The following SMYD3 variants were observed in gnomAD, a reference collection of about 807,000 sequenced individuals.
SMYD3 encodes histone-lysine N-methyltransferase SMYD3.
Under a neutral mutation model 57.7 loss-of-function variants are expected in SMYD3, and 36 were observed. That is an observed-to-expected ratio of 0.62 (90% CI 0.48 to 0.82). The LOEUF (loss-of-function observed/expected upper bound fraction) is 0.82. Among genes scored for constraint, SMYD3 ranks in the 40% least tolerant of loss-of-function variants. The probability of loss-of-function intolerance (pLI) is 0.00; values close to 1 mark genes in which losing one functional copy is unlikely to be tolerated. For missense variants in SMYD3, 515 were observed against 538.8 expected, an observed-to-expected ratio of 0.96 and a Z score of 0.44; for synonymous variants, 211 against 195.0, an observed-to-expected ratio of 1.08 and a Z score of -0.68.
At chr1:245,774,079 T>G (rs1259814880) in intron 10 of SMYD3, among the ~76,000 whole-genome samples, 1 of 152,158 alleles carries the variant, frequency 6.6e-6, no homozygotes, top group African/African-American at 2.4e-5. Flanking sequence ...CGATGAAATA[T>G]TCTAAAAAGC....
At chr1:246,376,622 T>C (rs13376399) in intron 1 of SMYD3, among the ~76,000 whole-genome samples, 77,396 of 140,896 alleles carry the variant, frequency 0.55, 21,189 homozygotes, top group Middle Eastern at 0.74. Context: ...TAAACATAAA[T>C]AAACCAGTAT....
intron 10 of SMYD3, among the ~76,000 whole-genome samples, chr1:245,797,946 T>A (rs1041892539): frequency 2.0e-5 from 3 of 151,920 alleles, no homozygotes; most frequent in Admixed American, 1.3e-4. Flanking sequence ...TTTCACAATA[T>A]GGGTTTGAGG....
chr1:246,436,900 CTTTTTTTT>C (rs61263648), intron 1 of SMYD3, among the ~76,000 whole-genome samples: 1 of 128,422 alleles, frequency 7.8e-6, no homozygotes, highest in Non-Finnish European at 1.6e-5. Flanking sequence ...GAGTTTCTTT[CTTTTTTTT>C]TTTTTTTTTT....
chr1:245,757,137 C>A (rs557539255), intron 11 of SMYD3, among the ~76,000 whole-genome samples: 1 of 152,006 alleles, frequency 6.6e-6, no homozygotes, highest in Non-Finnish European at 1.5e-5. Context: ...ACAATAGCTT[C>A]CCATCCCCTC....
intron 10 of SMYD3, 116 bp downstream of exon 10, chr1:245,858,380 G>C: frequency 9.6e-7 from 1 of 1,040,890 alleles, no homozygotes; most frequent in Non-Finnish European, 1.4e-6. Context: ...CAATGGTTGA[G>C]AAGCAGCTGG....
chr1:246,357,009 C>A (rs1418406150), intron 1 of SMYD3, among the ~76,000 whole-genome samples: 2 of 152,186 alleles, frequency 1.3e-5, no homozygotes, highest in Non-Finnish European at 2.9e-5. Context: ...GAAGGAAAGA[C>A]TCTTAAGAGC....
chr1:245,855,160 C>T (rs1168816407), intron 10 of SMYD3, among the ~76,000 whole-genome samples: 4 of 152,174 alleles, frequency 2.6e-5, no homozygotes, highest in African/African-American at 9.7e-5. Context: ...ATGAACAGAA[C>T]GGGCGAATGT....
chr1:246,280,166 C>T (rs1780815), intron 5 of SMYD3, among the ~76,000 whole-genome samples: 56,354 of 152,024 alleles, frequency 0.37, 11,298 homozygotes, highest in East Asian at 0.79. Context: ...TCATTCCATG[C>T]TCAGTTTCTT....
At chr1:246,218,721 T>TA (rs2063206203) in intron 5 of SMYD3, among the ~76,000 whole-genome samples, 7 of 152,248 alleles carry the variant, frequency 4.6e-5, no homozygotes, top group Middle Eastern at 3.4e-3. Flanking sequence ...ATTTAAGGTA[T>TA]TTTGTGTGTG....
chr1:246,186,389 T>A (rs1007889143), intron 5 of SMYD3, among the ~76,000 whole-genome samples: 9 of 152,202 alleles, frequency 5.9e-5, no homozygotes, highest in African/African-American at 2.2e-4. Context: ...ACTGTCTATT[T>A]TCTGCAGCAC....
chr1:245,981,188 T>C (rs1299462438), intron 5 of SMYD3, among the ~76,000 whole-genome samples: 2 of 152,188 alleles, frequency 1.3e-5, no homozygotes, highest in Non-Finnish European at 2.9e-5. Context: ...AGAATAAACA[T>C]GAGGCCAAAT....
intron 1 of SMYD3, among the ~76,000 whole-genome samples, chr1:246,491,856 G>C (rs1458131566): frequency 6.6e-6 from 1 of 152,158 alleles, no homozygotes; most frequent in Non-Finnish European, 1.5e-5. Context: ...ATGGACCTCA[G>C]ACAAGGCCAC....
intron 8 of SMYD3, among the ~76,000 whole-genome samples, chr1:245,906,836 G>C (rs1370502839): frequency 6.6e-6 from 1 of 152,180 alleles, no homozygotes; most frequent in African/African-American, 2.4e-5. Context: ...CCAGTCATTT[G>C]TAACAACATG....
chr1:246,209,596 G>A (rs2063056159), intron 5 of SMYD3, among the ~76,000 whole-genome samples: 1 of 144,854 alleles, frequency 6.9e-6, no homozygotes, highest in African/African-American at 2.9e-5. Context: ...AAAAAAAAAA[G>A]GTAACTGGTT....
chr1:246,402,222 T>C (rs931333683), intron 1 of SMYD3, among the ~76,000 whole-genome samples: 1 of 151,806 alleles, frequency 6.6e-6, no homozygotes, highest in African/African-American at 2.4e-5. Flanking sequence ...TCAGCAAATA[T>C]CAAAATACAG....
chr1:246,448,159 T>C (rs1235642840), intron 1 of SMYD3, among the ~76,000 whole-genome samples: 1 of 152,236 alleles, frequency 6.6e-6, no homozygotes, highest in East Asian at 1.9e-4. Flanking sequence ...AGAGGCGGCA[T>C]TGAGCCAAGA....
intron 5 of SMYD3, among the ~76,000 whole-genome samples, chr1:246,113,364 T>A (rs1025032260): frequency 1.3e-5 from 2 of 152,158 alleles, no homozygotes; most frequent in Non-Finnish European, 2.9e-5. Flanking sequence ...AAGAAATACA[T>A]AAACAATCAG....
chr1:245,767,515 CA>C (rs1284073230), intron 10 of SMYD3, among the ~76,000 whole-genome samples: 1 of 152,218 alleles, frequency 6.6e-6, no homozygotes, highest in Non-Finnish European at 1.5e-5. Flanking sequence ...TGAAACCACA[CA>C]ATGTGTGCTC....
chr1:246,331,164 G>A lies in SMYD3; in HGVS notation c.337-627C>T, dbSNP rs554214008. Among the ~76,000 whole-genome samples, 7 of 152,094 alleles carry A rather than the reference G, an allele frequency of 4.6e-5. No homozygotes were observed. The East Asian group carries it at 5.8e-4, about 13-fold the overall frequency. On this transcript the variant is annotated intron_variant, in intron 3 of 11. Transcript: ENST00000490107. ...AAGAAAAAAAGGAGAAGGACAAATC[G>A]GGAGCCTACAATAATTTGAGAAAGA...
Sources: allele counts gnomAD v4.1 joint callset (sites outside exome capture counted in the v4.1 genomes callset), GRCh38; gene constraint gnomAD v4.1.1; transcripts MANE v1.5; gene names NCBI Gene and HGNC (gene_info 2026-07-23, HGNC 2026-07-21).